PPEF1: variants seen among roughly 807,000 people sequenced by gnomAD.
PPEF1 encodes the protein protein phosphatase with EF-hand domain 1, also known as serine/threonine-protein phosphatase with EF-hands 1.
In PPEF1, 12 loss-of-function variants were observed where a neutral mutation model predicts 53.3. That is an observed-to-expected ratio of 0.23 (90% CI 0.14 to 0.36). The LOEUF (loss-of-function observed/expected upper bound fraction) is 0.36. Among genes scored for constraint, PPEF1 ranks in the 10% least tolerant of loss-of-function variants. The probability of loss-of-function intolerance (pLI) is 1.00; values close to 1 mark genes in which losing one functional copy is unlikely to be tolerated. For missense variants in PPEF1, 334 were observed against 490.4 expected (o/e 0.68, Z 3.01); for synonymous variants, 165 against 176.7 (o/e 0.93, Z 0.52).
intron 10 of PPEF1, among the ~76,000 whole-genome samples, chrX:18,791,767 T>C: frequency 8.9e-6 from 1 of 112,309 alleles, no homozygotes; most frequent in East Asian, 2.8e-4. Context: ...TTGTTCATGA[T>C]ACTGGGGAAA....
At chrX:18,734,117 A>G (rs1362330496) in intron 3 of PPEF1, among the ~76,000 whole-genome samples, 2 of 92,872 alleles carry the variant, frequency 2.2e-5, no homozygotes, top group Non-Finnish European at 4.3e-5. Flanking sequence ...AGCTTAGTAA[A>G]GGGAACCTTA....
At chrX:18,795,308 T>C (rs1402183441) in intron 10 of PPEF1, among the ~76,000 whole-genome samples, 1 of 112,032 alleles carries the variant, frequency 8.9e-6, no homozygotes, top group African/African-American at 3.2e-5. Context: ...GGACCCTGTC[T>C]TAAAGAAAAA....
In PPEF1 at chrX:18,743,446, C is replaced by CTTTTTTTTTTT. The variant is rs72264344; in HGVS notation, c.236-6335_236-6325dup. ...TTTTTCTTTTCTTTTTTCTCTTTTT[C>CTTTTTTTTTTT]TTTTTTTTTTTTTTTTTTTTTGAGA... On this transcript the variant is annotated intron_variant, in intron 3 of 15. Transcript: ENST00000470157. 5.7e-4 allele frequency among the ~76,000 whole-genome samples: 34 copies of CTTTTTTTTTTT among 59,321 alleles called. 2 individuals are homozygous for CTTTTTTTTTTT. The highest frequency in any genetic ancestry group is 2.2e-3 in the African/African-American group (31 of 13,857). 51.5% of individuals were successfully genotyped at this position (59,321 alleles called of 115,157 possible).
intron 10 of PPEF1, among the ~76,000 whole-genome samples, chrX:18,802,041 G>A (rs914035423): frequency 9.2e-6 from 1 of 109,131 alleles, no homozygotes; most frequent in African/African-American, 3.3e-5. Context: ...CCACAAAGAC[G>A]GAGCCTCCAA....
intron 1 of PPEF1, among the ~76,000 whole-genome samples, chrX:18,677,191 C>A (rs1363743558): frequency 5.4e-5 from 6 of 110,370 alleles, no homozygotes; most frequent in Non-Finnish European, 1.1e-4. Flanking sequence ...CGCCCCCCCA[C>A]CATACCTGGC....
At chrX:18,786,185 C>T (rs1253406624) in intron 9 of PPEF1, among the ~76,000 whole-genome samples, 1 of 111,605 alleles carries the variant, frequency 9.0e-6, no homozygotes, top group African/African-American at 3.3e-5. Flanking sequence ...CTTTTGCTTT[C>T]CTGAGGTTAG....
chrX:18,765,312 G>A (rs1041963914), intron 6 of PPEF1, among the ~76,000 whole-genome samples: 5 of 111,639 alleles, frequency 4.5e-5, no homozygotes, highest in African/African-American at 1.6e-4. Flanking sequence ...TGGTTTAAGT[G>A]GGGAAACCGA....
rs188825908 is a variant in PPEF1, at chrX:18,826,848, A to G, written c.1751-428A>G. On this transcript the variant is annotated intron_variant, in intron 15 of 15. Transcript: ENST00000470157. ...AAAAAAAATCAATGATCAACACATT[A>G]AAGTAAATGATTGCCTGTGAAAAAG... Among the ~76,000 whole-genome samples the G allele has an allele frequency of 5.8e-3, 640 of 110,791 alleles. 6 individuals carry two copies. The highest frequency in any genetic ancestry group is 0.02 in the African/African-American group (612 of 30,535).
intron 10 of PPEF1, among the ~76,000 whole-genome samples, chrX:18,800,414 C>T (rs1250422687): frequency 1.8e-5 from 2 of 110,520 alleles, no homozygotes; most frequent in East Asian, 2.8e-4. Context: ...GTCAACCCTC[C>T]GTATGCACGG....
At chrX:18,765,685 G>A (rs962118656) in intron 6 of PPEF1, among the ~76,000 whole-genome samples, 8 of 111,220 alleles carry the variant, frequency 7.2e-5, no homozygotes, top group African/African-American at 2.0e-4. Context: ...TTTCAACAGC[G>A]GTACAGCAGA....
rs1296559038 is a variant in PPEF1 at position 18,798,699 on chromosome X, A to G, written c.1066-5193A>G. 6.3e-5 allele frequency among the ~76,000 whole-genome samples: 7 copies of G among 110,537 alleles called. No individual in the cohort carries two copies. The Admixed American group carries it at 6.7e-4, about 11-fold the overall frequency. On this transcript the variant is annotated intron_variant, in intron 10 of 15. Coordinates refer to ENST00000470157, the MANE Select transcript of PPEF1 (RefSeq NM_001377996.1). ...AGTGCAATGGTGCGATCTCGGCTCA[A>G]TGCAGCCTCTGCCTCCCAGGGTGAG...
At position 18,758,735 on chromosome X, in the gene PPEF1, A is replaced by G. The variant is rs2045599763; in HGVS notation, c.511+994A>G. Reference sequence around the variant, plus strand: ...TTCGGGTCATGAGGCTCAGAAAGCCATGCCACCCTGTGAAGTCTGTGAGGC... The same window carrying G: ...TTCGGGTCATGAGGCTCAGAAAGCCGTGCCACCCTGTGAAGTCTGTGAGGC... On this transcript the variant is annotated intron_variant, in intron 5 of 15. Coordinates refer to ENST00000470157, the MANE Select transcript of PPEF1 (RefSeq NM_001377996.1). Among the ~76,000 whole-genome samples the G allele has an allele frequency of 3.6e-5, 4 of 111,249 alleles. No individual in the cohort carries two copies. The South Asian group carries it at 1.2e-3, about 32-fold the overall frequency.
intron 1 of PPEF1, among the ~76,000 whole-genome samples, chrX:18,728,685 T>C (rs1385801761): frequency 2.7e-5 from 3 of 111,410 alleles, no homozygotes; most frequent in Non-Finnish European, 5.7e-5. Flanking sequence ...TTCTGAAACC[T>C]GAATAATGGA....
intron 3 of PPEF1, among the ~76,000 whole-genome samples, chrX:18,742,127 C>T (rs2045186668): frequency 1.8e-5 from 2 of 110,931 alleles, no homozygotes; most frequent in Non-Finnish European, 3.8e-5. Flanking sequence ...ATCATCATTA[C>T]ATTTGTAAGA....
At chrX:18,778,386 A>G (rs2046011569) in intron 6 of PPEF1, among the ~76,000 whole-genome samples, 1 of 111,844 alleles carries the variant, frequency 8.9e-6, no homozygotes, top group Non-Finnish European at 1.9e-5. Context: ...AAAAACTGAT[A>G]TGGCCCGGTC....
chrX:18,713,900 G>A (rs753181341), intron 1 of PPEF1, among the ~76,000 whole-genome samples: 13 of 111,876 alleles, frequency 1.2e-4, no homozygotes, highest in African/African-American at 4.2e-4. Context: ...TCATTGCTAA[G>A]TATTTTATTT....
At chrX:18,824,132 T>G (rs1346590561) in intron 14 of PPEF1, 46 bp downstream of exon 14, 2 of 1,122,589 alleles carry the variant, frequency 1.8e-6, no homozygotes, top group East Asian at 3.1e-5. Context: ...GGGTGAAACA[T>G]AACTTAGTCC....
chrX:18,681,550 A>C (rs976903730), upstream of PPEF1, among the ~76,000 whole-genome samples: 8 of 111,738 alleles, frequency 7.2e-5, no homozygotes, highest in African/African-American at 2.6e-4. Flanking sequence ...GACGTTTCCT[A>C]ATTCACCCTG....
chrX:18,749,957 G>C lies in PPEF1; in HGVS notation c.396+5G>C. ...GAGGCCTTCAAGGAACAACAGGTAA[G>C]TGGAAGCAGATGCTGCCTTGATTCT... is the stretch of plus-strand genomic sequence containing the variant. On this transcript the variant is annotated splice_donor_5th_base_variant and intron_variant, in intron 4 of 15. Coordinates refer to ENST00000470157, the MANE Select transcript of PPEF1 (RefSeq NM_001377996.1). 1 of 1,192,679 alleles carries C rather than the reference G, an allele frequency of 8.4e-7. No homozygotes were observed. The highest frequency in any genetic ancestry group is 1.1e-6 in the Non-Finnish European group (1 of 879,203).
Sources: allele counts gnomAD v4.1 joint callset (sites outside exome capture counted in the v4.1 genomes callset), GRCh38; gene constraint gnomAD v4.1.1; transcripts MANE v1.5; gene names NCBI Gene and HGNC (gene_info 2026-07-23, HGNC 2026-07-21).